Variants in SLC27A2 observed in about 807,000 individuals in gnomAD.
SLC27A2 encodes the protein long-chain fatty acid transport protein 2.
SLC27A2 carries 54 observed loss-of-function variants against 60.0 expected under a neutral mutation model. The observed-to-expected ratio is 0.90, with a 90% confidence interval of 0.72 to 1.13. The LOEUF (loss-of-function observed/expected upper bound fraction) is 1.13, where lower values mean the gene tolerates loss of function less well. SLC27A2 is among the 50% of genes most tolerant of loss of function. The pLI, the probability that SLC27A2 is intolerant of heterozygous loss-of-function variation, is 0.00. For synonymous variants in SLC27A2, 297 were observed against 297.6 expected (o/e 1.00, Z 0.02); for missense variants, 739 against 777.6 (o/e 0.95, Z 0.59).
At chr15:50,226,115 T>C in intron 6 of SLC27A2, 37 bp downstream of exon 6, 2 of 1,287,444 alleles carry the variant, frequency 1.6e-6, no homozygotes, top group Non-Finnish European at 2.3e-6. Context: ...CTGTGCCCCT[T>C]CTTATCTTGA....
intron 1 of SLC27A2, among the ~76,000 whole-genome samples, chr15:50,187,642 G>A (rs935770629): frequency 5.9e-5 from 9 of 152,140 alleles, no homozygotes; most frequent in Non-Finnish European, 1.2e-4. Context: ...CAAGGCTTTA[G>A]TAACAGTTAA....
chr15:50,223,375 C>G (rs1170130021), intron 5 of SLC27A2, among the ~76,000 whole-genome samples: 4 of 152,200 alleles, frequency 2.6e-5, no homozygotes, highest in African/African-American at 9.7e-5. Context: ...TAAGAACAAT[C>G]CATTGTGCCC....
intron 1 of SLC27A2, among the ~76,000 whole-genome samples, chr15:50,192,533 C>T (rs762743462): frequency 6.6e-6 from 1 of 152,016 alleles, no homozygotes; most frequent in Non-Finnish European, 1.5e-5. Flanking sequence ...TACCTGAGTA[C>T]ATTTTTCTTT....
intron 4 of SLC27A2, among the ~76,000 whole-genome samples, chr15:50,222,270 C>T (rs756730450): frequency 1.4e-4 from 21 of 152,202 alleles, no homozygotes; most frequent in Admixed American, 2.6e-4. Flanking sequence ...CCCACTGGGA[C>T]AGTTTTGTTG....
chr15:50,214,898 C>G (rs1380302525), intron 4 of SLC27A2, among the ~76,000 whole-genome samples: 1 of 152,154 alleles, frequency 6.6e-6, no homozygotes, highest in Non-Finnish European at 1.5e-5. Context: ...CCCCTGAGAA[C>G]TGGAACAAGA....
At chr15:50,221,460 TA>T (rs1324235604) in intron 4 of SLC27A2, among the ~76,000 whole-genome samples, 1 of 152,162 alleles carries the variant, frequency 6.6e-6, no homozygotes, top group Non-Finnish European at 1.5e-5. Flanking sequence ...CCAAGCTACT[TA>T]AAGATTAAAT....
At chr15:50,196,065 A>AAT (rs1595681974) in intron 1 of SLC27A2, among the ~76,000 whole-genome samples, 1 of 21,658 alleles carries the variant, frequency 4.6e-5, no homozygotes, top group Non-Finnish European at 9.7e-5. Flanking sequence ...AAAAAAAAAA[A>AAT]AAAAAAAAAA....
chr15:50,234,635 T>C (rs1439363042), intron 9 of SLC27A2, among the ~76,000 whole-genome samples: 2 of 151,004 alleles, frequency 1.3e-5, no homozygotes, highest in Admixed American at 1.3e-4. Context: ...GATGTGCACT[T>C]GTAGTCTCAT....
intron 1 of SLC27A2, among the ~76,000 whole-genome samples, chr15:50,189,529 TC>T (rs2044956659): frequency 6.6e-6 from 1 of 152,196 alleles, no homozygotes; most frequent in South Asian, 2.1e-4. Context: ...TTTTCTTCTC[TC>T]CCTGCTCTTA....
intron 4 of SLC27A2, among the ~76,000 whole-genome samples, chr15:50,218,747 T>TC (rs1483924822): frequency 6.6e-6 from 1 of 151,836 alleles, no homozygotes; most frequent in Non-Finnish European, 1.5e-5. Flanking sequence ...CCTTCGGGAA[T>TC]TTACTAAAGA....
At chr15:50,214,941 C>T (rs920789450) in intron 4 of SLC27A2, among the ~76,000 whole-genome samples, 4 of 152,146 alleles carry the variant, frequency 2.6e-5, no homozygotes, top group African/African-American at 9.7e-5. Flanking sequence ...TCCTCTTTAA[C>T]ATAGTACTGG....
At chr15:50,222,084 A>G (rs1391769927) in intron 4 of SLC27A2, 2 of 152,258 alleles carry the variant, frequency 1.3e-5, no homozygotes, top group African/African-American at 4.8e-5. Flanking sequence ...CTGTGGTTGA[A>G]TGGAAGGCAG....
rs376813052 is a variant in SLC27A2, at chr15:50,195,043, AT to A, written c.479-2456del. ...TTACCCTAGACAATGTAAAGGGAAG[AT>A]AATAACTGTCAGAAATGAACAGGGT... On this transcript the variant is annotated intron_variant, in intron 1 of 9. Coordinates refer to ENST00000267842, the MANE Select transcript of SLC27A2 (RefSeq NM_003645.4). Among the ~76,000 whole-genome samples, 154 of 152,304 alleles carry A rather than the reference AT, an allele frequency of 1.0e-3. 1 individual carries two copies. Among genetic ancestry groups the A allele is most frequent in the African/African-American group, 3.4e-3 (142 of 41,568 alleles).
intron 1 of SLC27A2, among the ~76,000 whole-genome samples, chr15:50,186,699 A>C (rs1389607637): frequency 6.6e-6 from 1 of 152,110 alleles, no homozygotes; most frequent in Non-Finnish European, 1.5e-5. Flanking sequence ...GTCCTCCCAA[A>C]GTGCTGGGAT....
intron 1 of SLC27A2, among the ~76,000 whole-genome samples, chr15:50,188,281 G>A (rs1278485021): frequency 6.6e-6 from 1 of 152,124 alleles, no homozygotes; most frequent in Admixed American, 6.5e-5. Context: ...TTCTGATCAG[G>A]TGCTTAAAAC....
At chr15:50,183,481 G>C (rs1567424247) in intron 1 of SLC27A2, among the ~76,000 whole-genome samples, 1 of 152,094 alleles carries the variant, frequency 6.6e-6, no homozygotes, top group South Asian at 2.1e-4. Context: ...GAACAAAGGT[G>C]ACCCCACCTG....
intron 2 of SLC27A2, among the ~76,000 whole-genome samples, chr15:50,199,121 C>T (rs1280131369): frequency 5.3e-5 from 8 of 151,954 alleles, no homozygotes; most frequent in Non-Finnish European, 1.2e-4. Flanking sequence ...ACTCCCTTAA[C>T]ATATGGGACT....
intron 4 of SLC27A2, among the ~76,000 whole-genome samples, chr15:50,214,863 G>A (rs1156474439): frequency 6.6e-6 from 1 of 152,122 alleles, no homozygotes; most frequent in East Asian, 1.9e-4. Flanking sequence ...ACATAATACT[G>A]AATGGGGAAA....
chr15:50,210,560 C>T (rs1309636236), intron 4 of SLC27A2, among the ~76,000 whole-genome samples: 1 of 152,190 alleles, frequency 6.6e-6, no homozygotes, highest in Non-Finnish European at 1.5e-5. Context: ...GCCAGAGGAG[C>T]AGGGGGCAAA....
Sources: gnomAD v4.1 joint callset for allele counts (sites outside exome capture counted in the v4.1 genomes callset) on GRCh38, gnomAD v4.1.1 for gene constraint, MANE v1.5 for transcripts, NCBI Gene and HGNC (gene_info 2026-07-23, HGNC 2026-07-21) for gene names.